TNS1: variants seen among roughly 807,000 people sequenced by gnomAD.
TNS1 encodes the protein tensin 1, also known as tensin-1.
In TNS1, 62 loss-of-function variants were observed where a neutral mutation model predicts 168.6. The ratio of observed to expected loss-of-function variants is 0.37; its 90% CI spans 0.30 to 0.45. The LOEUF is 0.45. Among genes scored for constraint, TNS1 ranks in the 20% least tolerant of loss-of-function variants. The pLI, the probability that TNS1 is intolerant of heterozygous loss-of-function variation, is 1.00. For missense variants in TNS1, 2,240 were observed against 2,339.4 expected, an observed-to-expected ratio of 0.96 and a Z score of 0.88; for synonymous variants, 934 against 933.2, an observed-to-expected ratio of 1.00 and a Z score of -0.02.
At chr2:217,998,221 G>GTCTCTCTCTCTCTCTCTCTCTC (rs60663810) in intron 1 of TNS1, among the ~76,000 whole-genome samples, 10 of 149,566 alleles carry the variant, frequency 6.7e-5, no homozygotes, top group Admixed American at 2.0e-4. Context: ...CTCCATCAGT[G>GTCTCTCTCTCTCTCTCTCTCTC]TCTCTCTCTC....
intron 2 of TNS1, among the ~76,000 whole-genome samples, chr2:217,981,018 T>C (rs1193035942): frequency 6.6e-6 from 1 of 152,232 alleles, no homozygotes; most frequent in African/African-American, 2.4e-5. Flanking sequence ...CTGGTTATTT[T>C]CTGAAGTTGC....
At chr2:217,851,630 G>C (rs1467439693) in intron 18 of TNS1, among the ~76,000 whole-genome samples, 1 of 152,116 alleles carries the variant, frequency 6.6e-6, no homozygotes, top group Non-Finnish European at 1.5e-5. Flanking sequence ...CCCAGGGCTG[G>C]TCTGAACTGA....
At chr2:217,938,838 G>A (rs561881339) in intron 3 of TNS1, among the ~76,000 whole-genome samples, 16 of 152,300 alleles carry the variant, frequency 1.1e-4, no homozygotes, top group South Asian at 4.1e-4. Flanking sequence ...CAAGACCTCC[G>A]GAGGGCCGCT....
intron 30 of TNS1, 146 bp from the exon 31 acceptor site, chr2:217,808,817 A>G (rs1484792283): frequency 5.7e-6 from 4 of 699,486 alleles, no homozygotes; most frequent in East Asian, 5.2e-5. Context: ...AGATGGCCTG[A>G]GCTGTTGACA....
Position 217,848,461 on chromosome 2 carries a change from A to C in TNS1, c.2056T>G (p.Tyr686Asp). The C allele has an allele frequency of 1.2e-6, 2 of 1,612,924 alleles. No homozygotes were observed. The highest frequency in any genetic ancestry group is 1.7e-6 in the Non-Finnish European group (2 of 1,179,240). The change falls in exon 19 of 33, where the codon TAC becomes GAC. Residue 686 changes from tyrosine (Y) to aspartate (D), a missense_variant. Transcript: ENST00000682258. Reference sequence around the variant, plus strand: ...GGCCCCGCCCGGCTGGCAGACTCGTAGGGGTAGCCTCCTCCATTGACCATA... The same window carrying C: ...GGCCCCGCCCGGCTGGCAGACTCGTCGGGGTAGCCTCCTCCATTGACCATA... ...EPMVNGGGYP[Y>D]ESASRAGPAH...
chr2:217,834,716 G>A (rs1187630795), intron 21 of TNS1, among the ~76,000 whole-genome samples: 1 of 152,156 alleles, frequency 6.6e-6, no homozygotes, highest in East Asian at 1.9e-4. Flanking sequence ...CAGAAATGGA[G>A]GTCAGAAACA....
intron 3 of TNS1, among the ~76,000 whole-genome samples, chr2:217,940,489 T>C (rs1956857947): frequency 6.6e-6 from 1 of 152,162 alleles, no homozygotes; most frequent in Non-Finnish European, 1.5e-5. Context: ...CACTCAGGTC[T>C]CCCGATCCTT....
chr2:217,878,191 G>T (rs530482315), intron 18 of TNS1, among the ~76,000 whole-genome samples: 12 of 152,152 alleles, frequency 7.9e-5, no homozygotes, highest in Non-Finnish European at 1.6e-4. Context: ...AGTGGCCTCC[G>T]GGGTGCCACG....
intron 18 of TNS1, among the ~76,000 whole-genome samples, chr2:217,855,938 G>A (rs371503942): frequency 1.3e-5 from 2 of 152,084 alleles, no homozygotes; most frequent in African/African-American, 4.8e-5. Context: ...CTGAGCCAGA[G>A]CCTACCCCAT....
At chr2:217,892,845 GC>G in intron 11 of TNS1, 102 bp downstream of exon 11, 1 of 1,320,252 alleles carries the variant, frequency 7.6e-7, no homozygotes, top group Admixed American at 1.8e-5. Context: ...TTCCCTCTGT[GC>G]GTATCCCCTC....
chr2:217,937,677 G>C (rs1386567252), intron 3 of TNS1, among the ~76,000 whole-genome samples: 4 of 152,144 alleles, frequency 2.6e-5, no homozygotes, highest in Non-Finnish European at 4.4e-5. Flanking sequence ...AGGCCCCGGG[G>C]AGATGGACTC....
In TNS1 at chr2:217,886,078, G is replaced by T; in HGVS notation, c.1006C>A (p.Gln336Lys). The T allele has an allele frequency of 2.5e-6, 4 of 1,613,980 alleles. No homozygotes were observed. Among genetic ancestry groups the T allele is most frequent in the Non-Finnish European group, 2.5e-6 (3 of 1,179,994 alleles). The part of the protein sequence containing the change: ...GGCRPFLRIY[Q>K]AMQPVYTSGI... ...GATGTGTACACAGGTTGCATGGCCTGGTAGATGCGGAGAAATGGCCGACAT... is the reference window on the plus strand; with the variant it reads ...GATGTGTACACAGGTTGCATGGCCTTGTAGATGCGGAGAAATGGCCGACAT... Residue 336 changes from glutamine to lysine, a missense_variant, in exon 14 of 33, where the codon CAG (glutamine) becomes AAG (lysine). This residue lies in a region of TNS1 where 2,131 missense variants were observed against 2,171.2 expected (regional missense o/e 0.98). Coordinates refer to ENST00000682258, the MANE Select transcript of TNS1 (RefSeq NM_001387777.1).
intron 12 of TNS1, among the ~76,000 whole-genome samples, chr2:217,887,816 CG>C (rs992672900): frequency 6.6e-6 from 1 of 152,212 alleles, no homozygotes; most frequent in Non-Finnish European, 1.5e-5. Context: ...AACTAGAGAT[CG>C]GTCATCTGCC....
intron 1 of TNS1, among the ~76,000 whole-genome samples, chr2:218,015,639 A>C (rs1049853104): frequency 2.0e-5 from 3 of 151,826 alleles, no homozygotes; most frequent in African/African-American, 7.3e-5. Flanking sequence ...CCCCGTCCCC[A>C]TCCCACCCCC....
chr2:218,016,486 C>T lies in TNS1; in HGVS notation c.156+17334G>A, dbSNP rs556305872. Reference sequence around the variant, plus strand: ...TTGGATCATCTCACTGGGCTCCTCCCCAGGGCCCACTCCCAGACAATGGTT... The same window carrying T: ...TTGGATCATCTCACTGGGCTCCTCCTCAGGGCCCACTCCCAGACAATGGTT... On this transcript the variant is annotated intron_variant, in intron 1 of 1. Transcript: ENST00000649572. 1.7e-4 allele frequency among the ~76,000 whole-genome samples: 26 copies of T among 152,320 alleles called. 1 individual carries two copies. The highest frequency in any genetic ancestry group is 1.0e-3 in the Admixed American group (16 of 15,304).
intron 1 of TNS1, among the ~76,000 whole-genome samples, chr2:218,026,048 T>G (rs1222556593): frequency 1.3e-5 from 2 of 152,138 alleles, no homozygotes; most frequent in African/African-American, 4.8e-5. Context: ...CCTAGTAAAA[T>G]CCTCCATTCA....
At chr2:217,815,532 C>A (rs1045186329) in intron 24 of TNS1, among the ~76,000 whole-genome samples, 6 of 152,182 alleles carry the variant, frequency 3.9e-5, no homozygotes, top group Non-Finnish European at 5.9e-5. Context: ...GTGGAAGGGA[C>A]CTTCGGCCTC....
Position 217,880,923 on chromosome 2 carries a change from A to G in TNS1, c.1404T>C (p.Ser468=), listed in dbSNP as rs1950618341. 2 of 1,613,850 alleles carry G rather than the reference A, an allele frequency of 1.2e-6. No individual in the cohort carries two copies. Among genetic ancestry groups the G allele is most frequent in the South Asian group, 1.1e-5 (1 of 91,042 alleles). ...CCTCCATGCCGTCATCTCGATGCCC[A>G]CTGAAGTTGTCGTAGGAGTCCCAGC... ...LIRWDSYDNF[S]GHRDDGMEEV... is the part of the protein sequence containing the mutation. The change falls in exon 18 of 33, where the codon AGT becomes AGC. Residue 468 remains serine (S), a synonymous_variant. Transcript: ENST00000682258. This position sits in a 1 kb window ranked among gnomAD's most constrained non-coding sequence, Gnocchi z 4.2.
At chr2:217,817,415 A>T (rs1942062506) in intron 24 of TNS1, among the ~76,000 whole-genome samples, 1 of 152,196 alleles carries the variant, frequency 6.6e-6, no homozygotes, top group Non-Finnish European at 1.5e-5. Context: ...GGCTATGAGG[A>T]CGATGATAAT....
Sources: gnomAD v4.1 joint callset for allele counts (sites outside exome capture counted in the v4.1 genomes callset) on GRCh38, gnomAD v4.1.1 for gene constraint, gnomAD v4.1.1 regional missense constraint, Gnocchi (gnomAD v3.1) non-coding constraint, MANE v1.5 for transcripts, NCBI Gene and HGNC (gene_info 2026-07-23, HGNC 2026-07-21) for gene names.